SLC10A7: variants seen among roughly 807,000 people sequenced by gnomAD.
The protein encoded by SLC10A7 is solute carrier family 10 member 7, also known as sodium/bile acid cotransporter 7.
In SLC10A7, 29 loss-of-function variants were observed where a neutral mutation model predicts 43.2. The ratio of observed to expected loss-of-function variants is 0.67; its 90% CI spans 0.50 to 0.92. The LOEUF (loss-of-function observed/expected upper bound fraction) is 0.92, where lower values mean the gene tolerates loss of function less well. Ranked by LOEUF, SLC10A7 falls within the 40% of genes least tolerant of loss-of-function variation. SLC10A7 has a pLI of 0.00. For synonymous variants in SLC10A7, 152 were observed against 144.8 expected (o/e 1.05, Z -0.35); for missense variants, 295 against 403.2 (o/e 0.73, Z 2.30).
intron 4 of SLC10A7, 66 bp downstream of exon 4, chr4:146,503,783 T>C (rs1388431380): frequency 6.9e-6 from 10 of 1,454,652 alleles, no homozygotes; most frequent in Non-Finnish European, 9.6e-6. Flanking sequence ...TCCAAAAATG[T>C]GATATATTTT....
chr4:146,284,503 G>A lies in SLC10A7; in HGVS notation c.774-1238C>T, dbSNP rs547217660. Among the ~76,000 whole-genome samples, 151 of 151,978 alleles carry A rather than the reference G, an allele frequency of 9.9e-4. 1 individual carries two copies. The highest frequency in any genetic ancestry group is 3.5e-3 in the African/African-American group (145 of 41,454). On this transcript the variant is annotated intron_variant, in intron 9 of 11. Coordinates refer to ENST00000335472, the MANE Select transcript of SLC10A7 (RefSeq NM_001029998.6). ...CCCTGCTTCCTCATCCCCTGTGCCTGTGTCAAGAGAATATTTAAAATGGCC... is the reference window on the plus strand; with the variant it reads ...CCCTGCTTCCTCATCCCCTGTGCCTATGTCAAGAGAATATTTAAAATGGCC...
intron 5 of SLC10A7, among the ~76,000 whole-genome samples, chr4:146,394,629 T>C (rs1253746097): frequency 3.3e-5 from 5 of 152,162 alleles, no homozygotes; most frequent in African/African-American, 7.2e-5. Flanking sequence ...CCCAAAGTGC[T>C]AGGATTACAA....
chr4:146,375,018 A>G (rs1016043360), intron 5 of SLC10A7, among the ~76,000 whole-genome samples: 6 of 151,888 alleles, frequency 4.0e-5, no homozygotes, highest in African/African-American at 1.5e-4. Context: ...CTAGCCTGGC[A>G]AACATGGTGA....
At chr4:146,362,358 A>G (rs1736103453) in intron 5 of SLC10A7, among the ~76,000 whole-genome samples, 1 of 152,170 alleles carries the variant, frequency 6.6e-6, no homozygotes, top group African/African-American at 2.4e-5. Context: ...GCAAGAGAAA[A>G]GAGGCAAATA....
chr4:146,382,368 A>G lies in SLC10A7; in HGVS notation c.436-56372T>C, dbSNP rs138696675. Among the ~76,000 whole-genome samples the G allele has an allele frequency of 3.0e-3, 455 of 152,286 alleles. 1 individual carries two copies. Among genetic ancestry groups the G allele is most frequent in the African/African-American group, 9.8e-3 (408 of 41,566 alleles). On this transcript the variant is annotated intron_variant, in intron 5 of 11. Transcript: ENST00000335472. ...ACTGTATTTACACTGTCACAGCACT[A>G]ACATCATGTTACAATTACTGTTTCA...
chr4:146,521,328 A>C (rs1738626580), intron 1 of SLC10A7, among the ~76,000 whole-genome samples: 1 of 152,096 alleles, frequency 6.6e-6, no homozygotes, highest in South Asian at 2.1e-4. Context: ...TGCTACTTTG[A>C]AGGCAAGAGG....
intron 5 of SLC10A7, among the ~76,000 whole-genome samples, chr4:146,346,297 G>C (rs773045700): frequency 6.6e-6 from 1 of 152,108 alleles, no homozygotes; most frequent in Non-Finnish European, 1.5e-5. Flanking sequence ...TTTCATGTGA[G>C]AGCTTTGGTA....
At chr4:146,336,788 G>A (rs1733919906) in intron 5 of SLC10A7, among the ~76,000 whole-genome samples, 1 of 151,976 alleles carries the variant, frequency 6.6e-6, no homozygotes, top group Non-Finnish European at 1.5e-5. Flanking sequence ...CAGAATGTGT[G>A]GGGTTTAGGG....
intron 5 of SLC10A7, among the ~76,000 whole-genome samples, chr4:146,371,052 C>A (rs994138359): frequency 6.6e-6 from 1 of 152,172 alleles, no homozygotes; most frequent in East Asian, 1.9e-4. Flanking sequence ...ATTATATGTA[C>A]AGCACTTTTT....
At chr4:146,449,580 C>A (rs1437837591) in intron 4 of SLC10A7, among the ~76,000 whole-genome samples, 5 of 151,978 alleles carry the variant, frequency 3.3e-5, no homozygotes, top group Non-Finnish European at 5.9e-5. Flanking sequence ...TAAGCTAAGA[C>A]CCCATCCTGT....
chr4:146,269,483 T>C lies in SLC10A7; in HGVS notation c.848-10646A>G, dbSNP rs192701163. Among the ~76,000 whole-genome samples, 408 of 152,266 alleles carry C rather than the reference T, an allele frequency of 2.7e-3. 3 individuals carry two copies. Among genetic ancestry groups the C allele is most frequent in the African/African-American group, 9.3e-3 (386 of 41,556 alleles). On this transcript the variant is annotated intron_variant, in intron 10 of 11. Transcript: ENST00000335472. Reference sequence around the variant, plus strand: ...CCTTTTCTAGGCTGTGAATGAAGAGTTGTTTAGTCTTCTAAAGAGACAATC... The same window carrying C: ...CCTTTTCTAGGCTGTGAATGAAGAGCTGTTTAGTCTTCTAAAGAGACAATC...
At chr4:146,510,170 T>G in intron 2 of SLC10A7, 121 bp from the exon 3 acceptor site, 2 of 862,016 alleles carry the variant, frequency 2.3e-6, no homozygotes, top group Non-Finnish European at 1.7e-6. Flanking sequence ...TAGCTAAAAT[T>G]TTTATCTATA....
At chr4:146,404,817 C>T (rs77956751) in intron 5 of SLC10A7, among the ~76,000 whole-genome samples, 150 of 152,070 alleles carry the variant, frequency 9.9e-4, no homozygotes, top group African/African-American at 3.6e-3. Flanking sequence ...AAAGCACTTC[C>T]CTGATATTTC....
At chr4:146,326,916 AG>A (rs1218717727) in intron 5 of SLC10A7, among the ~76,000 whole-genome samples, 1 of 26,546 alleles carries the variant, frequency 3.8e-5, no homozygotes, top group African/African-American at 3.7e-4. Flanking sequence ...AGAGAGGGAC[AG>A]ACACACACAC....
At chr4:146,429,232 G>T (rs577460905) in intron 5 of SLC10A7, among the ~76,000 whole-genome samples, 1 of 152,018 alleles carries the variant, frequency 6.6e-6, no homozygotes, top group Non-Finnish European at 1.5e-5. Flanking sequence ...GACCAATTAT[G>T]GTCAAAACAG....
At chr4:146,426,200 A>T (rs942781649) in intron 5 of SLC10A7, among the ~76,000 whole-genome samples, 1 of 152,252 alleles carries the variant, frequency 6.6e-6, no homozygotes, top group Non-Finnish European at 1.5e-5. Context: ...GATCTTAAAA[A>T]TGTGGGATGA....
intron 1 of SLC10A7, among the ~76,000 whole-genome samples, chr4:146,517,435 C>T (rs562218630): frequency 1.3e-5 from 2 of 151,960 alleles, no homozygotes; most frequent in African/African-American, 2.4e-5. Context: ...TGCACTCCAG[C>T]CTGGGCAACA....
At chr4:146,494,614 T>G (rs1735732158) in intron 4 of SLC10A7, among the ~76,000 whole-genome samples, 1 of 151,380 alleles carries the variant, frequency 6.6e-6, no homozygotes, top group South Asian at 2.1e-4. Flanking sequence ...GAGAGATGAG[T>G]GTCAGGGAAG....
intron 10 of SLC10A7, among the ~76,000 whole-genome samples, chr4:146,281,840 G>A (rs1729577177): frequency 6.6e-6 from 1 of 152,148 alleles, no homozygotes; most frequent in Non-Finnish European, 1.5e-5. Flanking sequence ...TACTCACCAA[G>A]TGCCAGGCAG....
Sources: allele counts gnomAD v4.1 joint callset (sites outside exome capture counted in the v4.1 genomes callset), GRCh38; gene constraint gnomAD v4.1.1; transcripts MANE v1.5; gene names NCBI Gene and HGNC (gene_info 2026-07-23, HGNC 2026-07-21).